CACNA1C: variants seen among roughly 807,000 people sequenced by gnomAD.
The protein encoded by CACNA1C is voltage-dependent L-type calcium channel subunit alpha-1C.
A neutral mutation model predicts 229.0 loss-of-function variants in CACNA1C; 30 were observed. That is an observed-to-expected ratio of 0.13 (90% CI 0.10 to 0.18). The LOEUF is 0.18. Ranked by LOEUF, CACNA1C falls within the 10% of genes least tolerant of loss-of-function variation. The pLI is 1.00. For missense variants in CACNA1C, 1,658 were observed against 2,845.0 expected (o/e 0.58, Z 9.49); for synonymous variants, 1,114 against 1,132.5 (o/e 0.98, Z 0.33).
At position 2,585,584 on chromosome 12, in the gene CACNA1C, G is replaced by T; in HGVS notation, c.2460+88G>T. 7.0e-7 allele frequency: 1 copy of T among 1,422,638 alleles called. No individual in the cohort carries two copies. Among genetic ancestry groups the T allele is most frequent in the Non-Finnish European group, 9.4e-7 (1 of 1,067,438 alleles). The allele number at this position is 1,422,638 out of a possible 1,614,324, so 88.1% of individuals were successfully genotyped here. ...TCCCAGGCCAGAACCCTGTGGAGAA[G>T]AGGAGAGAAAGAAAGACACCCAGTG... is the stretch of plus-strand genomic sequence containing the variant. On this transcript the variant is annotated intron_variant, in intron 17 of 46. Coordinates refer to ENST00000399655, the MANE Select transcript of CACNA1C (RefSeq NM_000719.7). The surrounding 1 kb of genome is among the most constrained non-coding windows in gnomAD (Gnocchi z 4.1).
At chr12:2,016,292 A>G (rs552462098) in intron 1 of CACNA1C, among the ~76,000 whole-genome samples, 1 of 148,458 alleles carries the variant, frequency 6.7e-6, no homozygotes, top group African/African-American at 2.6e-5. Context: ...GTACAACAAA[A>G]TACATCAGTA....
chr12:2,651,798 G>A lies in CACNA1C; in HGVS notation c.4074+30G>A. 2 of 1,538,138 alleles carry A rather than the reference G, an allele frequency of 1.3e-6. No individual in the cohort carries two copies. Among genetic ancestry groups the A allele is most frequent in the East Asian group, 2.3e-5 (1 of 43,802 alleles). On this transcript the variant is annotated intron_variant, in intron 32 of 46. Coordinates refer to ENST00000399655, the MANE Select transcript of CACNA1C (RefSeq NM_000719.7). This position sits in a 1 kb window ranked among gnomAD's most constrained non-coding sequence, Gnocchi z 5.4. ...CCGCCCCTCATGTCCTGCGGCCCGG[G>A]GAATCGCAGGGCTGCCGCGTGGCCC...
intron 13 of CACNA1C, 109 bp downstream of exon 13, chr12:2,567,903 G>A (rs149868140): frequency 3.9e-5 from 25 of 635,074 alleles, no homozygotes; most frequent in Non-Finnish European, 5.6e-5. Context: ...CTTCCTCAAA[G>A]GGTGTCTCTG....
intron 13 of CACNA1C, among the ~76,000 whole-genome samples, chr12:2,574,279 C>T (rs2057527030): frequency 6.6e-6 from 1 of 152,186 alleles, no homozygotes; most frequent in Non-Finnish European, 1.5e-5. Flanking sequence ...ACCTGTGGCT[C>T]TTGGTGCTGC....
chr12:2,360,280 G>A (rs1170276976), intron 3 of CACNA1C, among the ~76,000 whole-genome samples: 3 of 150,764 alleles, frequency 2.0e-5, no homozygotes, highest in African/African-American at 7.3e-5. Context: ...TGCCTCCCCC[G>A]GATTCCTCAG....
At chr12:2,611,599 A>C (rs1477637220) in intron 28 of CACNA1C, among the ~76,000 whole-genome samples, 1 of 152,048 alleles carries the variant, frequency 6.6e-6, no homozygotes, top group Non-Finnish European at 1.5e-5. Context: ...TGGGTTCTGC[A>C]TCCACCTGTC....
At chr12:2,279,961 C>T (rs2090482782) in intron 3 of CACNA1C, among the ~76,000 whole-genome samples, 1 of 152,352 alleles carries the variant, frequency 6.6e-6, no homozygotes, top group South Asian at 2.1e-4. Context: ...CCTACAGTTA[C>T]TGAGGGACAG....
At chr12:2,500,025 G>T (rs1036272034) in intron 7 of CACNA1C, among the ~76,000 whole-genome samples, 1 of 149,660 alleles carries the variant, frequency 6.7e-6, no homozygotes, top group African/African-American at 2.4e-5. Flanking sequence ...CCAGAGCCAG[G>T]CAGGCCAGAG....
At chr12:1,979,517 G>A (rs1214559392) in intron 1 of CACNA1C, among the ~76,000 whole-genome samples, 3 of 152,102 alleles carry the variant, frequency 2.0e-5, no homozygotes, top group Admixed American at 2.0e-4. Context: ...TCACCATGTT[G>A]GCCAGGCTCG....
intron 3 of CACNA1C, among the ~76,000 whole-genome samples, chr12:2,169,256 G>A (rs1180372635): frequency 2.6e-5 from 4 of 152,146 alleles, no homozygotes; most frequent in Non-Finnish European, 5.9e-5. Flanking sequence ...TTTCTACCCA[G>A]GATTGCACGG....
At chr12:2,085,660 CTG>C (rs1486142585) in intron 1 of CACNA1C, among the ~76,000 whole-genome samples, 1 of 152,180 alleles carries the variant, frequency 6.6e-6, no homozygotes, top group East Asian at 1.9e-4. Flanking sequence ...GCCTATACAA[CTG>C]TAAGAACCTT....
At chr12:2,438,386 A>ATGGTGGTGG (rs1567684804) in intron 3 of CACNA1C, among the ~76,000 whole-genome samples, 1 of 46,806 alleles carries the variant, frequency 2.1e-5, no homozygotes, top group Admixed American at 2.4e-4. Context: ...GATGGTGGTC[A>ATGGTGGTGG]TGGTAGTCAT....
chr12:2,213,449 G>A (rs1455810622), intron 3 of CACNA1C, among the ~76,000 whole-genome samples: 6 of 152,314 alleles, frequency 3.9e-5, no homozygotes. Flanking sequence ...GGGGTGAGGA[G>A]GAGGCGGCGA....
At chr12:2,066,760 A>T (rs1463013287) in intron 1 of CACNA1C, among the ~76,000 whole-genome samples, 2 of 152,076 alleles carry the variant, frequency 1.3e-5, no homozygotes, top group Non-Finnish European at 2.9e-5. Flanking sequence ...TGGGAGTGGA[A>T]GGCTCAACCC....
rs1372801336 is a variant in CACNA1C, at chr12:2,249,283, G to A, written c.477+128853G>A. ...GCAAAGCAGGAGTTGGTGAACTGGC[G>A]AACAGGCCACATCCGGCCTGCCATC... On this transcript the variant is annotated intron_variant, in intron 3 of 46. Coordinates refer to ENST00000399655, the MANE Select transcript of CACNA1C (RefSeq NM_000719.7). 3.3e-5 allele frequency among the ~76,000 whole-genome samples: 5 copies of A among 152,232 alleles called. No individual in the cohort carries two copies. The East Asian group carries it at 5.8e-4, about 18-fold the overall frequency.
intron 1 of CACNA1C, among the ~76,000 whole-genome samples, chr12:2,035,041 G>T (rs747308668): frequency 5.3e-5 from 8 of 152,310 alleles, no homozygotes; most frequent in South Asian, 4.1e-4. Context: ...CCGCAACCGC[G>T]ACAGCCCCGT....
intron 1 of CACNA1C, among the ~76,000 whole-genome samples, chr12:2,106,300 G>A (rs1321807387): frequency 8.8e-5 from 5 of 56,536 alleles, no homozygotes; most frequent in African/African-American, 2.8e-4. Context: ...CTCATCTGGG[G>A]CGTCCTGAAG....
chr12:2,252,848 G>C (rs567119300), intron 3 of CACNA1C, among the ~76,000 whole-genome samples: 151 of 151,948 alleles, frequency 9.9e-4, no homozygotes, highest in Admixed American at 2.0e-3. Flanking sequence ...GCACTTTGCT[G>C]GGTCCATGGG....
intron 7 of CACNA1C, among the ~76,000 whole-genome samples, chr12:2,496,275 T>C (rs2099746650): frequency 1.3e-5 from 2 of 152,152 alleles, no homozygotes; most frequent in Non-Finnish European, 1.5e-5. Context: ...TCTAAGGAGA[T>C]AGTTTCCACA....
Sources: gnomAD v4.1 joint callset for allele counts (sites outside exome capture counted in the v4.1 genomes callset) on GRCh38, gnomAD v4.1.1 for gene constraint, Gnocchi (gnomAD v3.1) non-coding constraint, MANE v1.5 for transcripts, NCBI Gene and HGNC (gene_info 2026-07-23, HGNC 2026-07-21) for gene names.